Variants in FASTKD1 observed in about 807,000 individuals in gnomAD.
The protein encoded by FASTKD1 is FAST kinase domain-containing protein 1, mitochondrial.
In FASTKD1, 94 loss-of-function variants were observed where a neutral mutation model predicts 90.9. That is an observed-to-expected ratio of 1.03 (90% confidence interval 0.88 to 1.23). The LOEUF is 1.23. FASTKD1 is among the 50% of genes most tolerant of loss of function. The pLI, the probability that FASTKD1 is intolerant of heterozygous loss-of-function variation, is 0.00. For synonymous variants in FASTKD1, 319 were observed against 345.8 expected, an observed-to-expected ratio of 0.92 and a Z score of 0.86; for missense variants, 945 against 993.5, an observed-to-expected ratio of 0.95 and a Z score of 0.66.
At chr2:169,536,320 A>G (rs947572242) in intron 12 of FASTKD1, among the ~76,000 whole-genome samples, 18 of 152,258 alleles carry the variant, frequency 1.2e-4, no homozygotes, top group African/African-American at 3.8e-4. Context: ...TGTCTACGAC[A>G]TGATTAGACA....
At chr2:169,532,538 A>T (rs1036827413) in intron 12 of FASTKD1, among the ~76,000 whole-genome samples, 10 of 152,126 alleles carry the variant, frequency 6.6e-5, no homozygotes, top group Non-Finnish European at 1.3e-4. Context: ...AAAACCTAAA[A>T]TCTAATCAAA....
intron 12 of FASTKD1, among the ~76,000 whole-genome samples, chr2:169,534,067 A>C (rs1033462338): frequency 1.3e-5 from 2 of 151,116 alleles, no homozygotes; most frequent in African/African-American, 4.9e-5. Context: ...GCTACTCAGG[A>C]GGCTGAGGTG....
chr2:169,561,756 T>TTTATTAATTTATTGTAAA (rs1683626522), intron 4 of FASTKD1, among the ~76,000 whole-genome samples: 2 of 127,990 alleles, frequency 1.6e-5, no homozygotes, highest in African/African-American at 2.8e-5. Context: ...TTATAAATTA[T>TTTATTAATTTATTGTAAA]TTATTAATTT....
intron 12 of FASTKD1, among the ~76,000 whole-genome samples, chr2:169,534,755 G>A (rs556975626): frequency 1.9e-4 from 29 of 152,092 alleles, no homozygotes; most frequent in South Asian, 6.2e-4. Flanking sequence ...CACTGCGCCC[G>A]GCCAAATTTC....
chr2:169,540,132 T>C lies in FASTKD1; in HGVS notation c.1864A>G (p.Thr622Ala), dbSNP rs749112715. The C allele has an allele frequency of 2.5e-6, 4 of 1,607,774 alleles. No individual in the cohort carries two copies. The South Asian group carries it at 3.3e-5, about 13-fold the overall frequency. The change falls in exon 10 of 15, where the codon ACA becomes GCA. Residue 622 changes from threonine to alanine, a missense_variant. Thr to Ala is a moderately conservative substitution (Grantham distance 58). Coordinates refer to ENST00000453153, the MANE Select transcript of FASTKD1 (RefSeq NM_024622.6). ...ILVFLGFSLA[T>A]LEYFPEDLLK... ...AGATCTTCTGGAAAATATTCAAGTGTGGCCAAAGAGAAACCAAGAAACACT... is the reference window on the plus strand; with the variant it reads ...AGATCTTCTGGAAAATATTCAAGTGCGGCCAAAGAGAAACCAAGAAACACT...
chr2:169,569,620 G>A (rs2105442440), intron 2 of FASTKD1, among the ~76,000 whole-genome samples: 1 of 152,290 alleles, frequency 6.6e-6, no homozygotes, highest in South Asian at 2.1e-4. Flanking sequence ...GCAGGCTGAG[G>A]CGGGCGGATC....
rs537746266 is a variant in FASTKD1 at position 169,546,776 on chromosome 2, A to G, written c.1215-72T>C. 6 of 1,383,954 alleles carry G rather than the reference A, an allele frequency of 4.3e-6. No homozygotes were observed. In the African/African-American group the frequency reaches 7.3e-5, roughly 17 times the overall value. 85.7% of individuals were successfully genotyped at this position (1,383,954 alleles called of 1,614,324 possible). A position where few individuals can be genotyped will look rare whatever the true frequency, so the allele number is the denominator to read the frequency against. ...TATATATGTATTAAAATATGAATACATATGAGTACAATTAATAGGTAAGAT... is the reference window on the plus strand; with the variant it reads ...TATATATGTATTAAAATATGAATACGTATGAGTACAATTAATAGGTAAGAT... On this transcript the variant is annotated intron_variant, in intron 7 of 14. Transcript: ENST00000453153.
chr2:169,544,985 G>A (rs1685123757), intron 8 of FASTKD1, 150 bp from the exon 9 acceptor site: 1 of 540,132 alleles, frequency 1.9e-6, no homozygotes, highest in Admixed American at 3.5e-5. Flanking sequence ...TTTCCATCCT[G>A]CTATAATTTA....
At chr2:169,537,000 T>A in intron 12 of FASTKD1, 1 of 317,962 alleles carries the variant, frequency 3.1e-6, no homozygotes, top group Non-Finnish European at 5.7e-6. Flanking sequence ...CCTTAATTTT[T>A]TTTTTTTTTT....
At position 169,555,116 on chromosome 2, in the gene FASTKD1, A is replaced by C; in HGVS notation, c.1214+8T>G. ...AAACACTAAACAAAATTTCTATTTTAATCTTACCTAAGCAGTAATTCTCTA... is the reference window on the plus strand; with the variant it reads ...AAACACTAAACAAAATTTCTATTTTCATCTTACCTAAGCAGTAATTCTCTA... On this transcript the variant is annotated splice_region_variant and intron_variant, in intron 7 of 14. Coordinates refer to ENST00000453153, the MANE Select transcript of FASTKD1 (RefSeq NM_024622.6). 6.3e-7 allele frequency: 1 copy of C among 1,598,426 alleles called. No individual in the cohort carries two copies. Among genetic ancestry groups the C allele is most frequent in the South Asian group, 1.1e-5 (1 of 88,606 alleles).
Position 169,571,787 on chromosome 2 carries a change from C to T in FASTKD1, c.243G>A (p.Gln81=), listed in dbSNP as rs1684244348. The T allele has an allele frequency of 6.2e-7, 1 of 1,613,984 alleles. No homozygotes were observed. Among genetic ancestry groups the T allele is most frequent in the African/African-American group, 1.3e-5 (1 of 74,926 alleles). ...AFDMLWKLQK[Q]KTSLLKNAEY... ...CAGCATTTTTTAACAGGCTGGTCTT[C>T]TGCTTTTGAAGCTTCCAAAGCATAT... Residue 81 remains glutamine, a synonymous_variant, in exon 2 of 15, where the codon CAG becomes CAA. Coordinates refer to ENST00000453153, the MANE Select transcript of FASTKD1 (RefSeq NM_024622.6).
intron 4 of FASTKD1, among the ~76,000 whole-genome samples, chr2:169,562,690 A>G (rs975012350): frequency 6.6e-6 from 1 of 152,120 alleles, no homozygotes; most frequent in Admixed American, 6.5e-5. Flanking sequence ...CTATCTTTTC[A>G]AGGATGTTTG....
At chr2:169,542,994 T>C (rs545609589) in intron 9 of FASTKD1, among the ~76,000 whole-genome samples, 91 of 152,312 alleles carry the variant, frequency 6.0e-4, no homozygotes, top group Non-Finnish European at 4.3e-4. Context: ...CAAGCATCTA[T>C]ACCTAATTTC....
chr2:169,567,559 T>C (rs1453499041), intron 3 of FASTKD1, among the ~76,000 whole-genome samples: 1 of 152,246 alleles, frequency 6.6e-6, no homozygotes, highest in Non-Finnish European at 1.5e-5. Flanking sequence ...AGAACTGTTC[T>C]GTCCCTTAAT....
intron 12 of FASTKD1, among the ~76,000 whole-genome samples, chr2:169,534,508 G>A (rs937865589): frequency 7.2e-6 from 1 of 138,626 alleles, no homozygotes; most frequent in Admixed American, 7.6e-5. Context: ...CGCTCAGGTT[G>A]GAGTGCAGTG....
At chr2:169,547,543 C>G (rs1473812605) in intron 7 of FASTKD1, among the ~76,000 whole-genome samples, 1 of 152,128 alleles carries the variant, frequency 6.6e-6, no homozygotes, top group Non-Finnish European at 1.5e-5. Flanking sequence ...GAACTAGTAA[C>G]TAGGACAAAA....
At position 169,562,148 on chromosome 2, in the gene FASTKD1, A is replaced by T. The variant is rs867463041; in HGVS notation, c.572+1077T>A. Among the ~76,000 whole-genome samples the T allele has an allele frequency of 2.1e-4, 31 of 144,618 alleles. 12 individuals carry two copies. The highest frequency in any genetic ancestry group is 1.1e-4 in the Non-Finnish European group (7 of 65,182). The allele number at this position is 144,618 out of a possible 152,430, so 94.9% of individuals were successfully genotyped here. A position where few individuals can be genotyped will look rare whatever the true frequency, so the allele number is the denominator to read the frequency against. On this transcript the variant is annotated intron_variant, in intron 4 of 14. Transcript: ENST00000453153. ...AATTAATTATTTATTAATTTATTGT[A>T]AATTAATTATTTATTAATTTATTTT...
intron 10 of FASTKD1, 146 bp from the exon 11 acceptor site, chr2:169,538,287 G>A: frequency 1.5e-6 from 1 of 668,810 alleles, no homozygotes; most frequent in East Asian, 2.9e-5. Flanking sequence ...ATTTACAAAT[G>A]TATGCTTTAT....
chr2:169,561,265 G>C (rs1427577058), intron 4 of FASTKD1, among the ~76,000 whole-genome samples: 2 of 151,290 alleles, frequency 1.3e-5, no homozygotes, highest in African/African-American at 2.4e-5. Context: ...CAGGGAAACA[G>C]AGGGAGACTC....
Sources: gnomAD v4.1 joint callset for allele counts (sites outside exome capture counted in the v4.1 genomes callset) on GRCh38, gnomAD v4.1.1 for gene constraint, MANE v1.5 for transcripts, NCBI Gene and HGNC (gene_info 2026-07-23, HGNC 2026-07-21) for gene names.